STPG2: variants seen among roughly 807,000 people sequenced by gnomAD.
STPG2 encodes sperm-tail PG-rich repeat-containing protein 2.
STPG2 carries 56 observed loss-of-function variants against 54.2 expected under a neutral mutation model. That is an observed-to-expected ratio of 1.03 (90% CI 0.83 to 1.29). The LOEUF (loss-of-function observed/expected upper bound fraction) is 1.29, where lower values mean the gene tolerates loss of function less well. Ranked by LOEUF, STPG2 falls within the 50% of genes most tolerant of loss-of-function variation. STPG2 has a pLI of 0.00. For missense variants in STPG2, 596 were observed against 544.9 expected (o/e 1.09, Z -0.93); for synonymous variants, 200 against 181.8 (o/e 1.10, Z -0.81).
Position 97,840,845 on chromosome 4 carries a change from C to A in STPG2, c.1132G>T (p.Val378Leu). 6.2e-7 allele frequency: 1 copy of A among 1,612,080 alleles called. No homozygotes were observed. Among genetic ancestry groups the A allele is most frequent in the South Asian group, 1.1e-5 (1 of 91,014 alleles). ...AAAGAGGCATGTTTTCTTTTAGCCA[C>A]TAAACTACGAGGTGGCATATATTTA... The part of the protein sequence containing the change: ...KHKYMPPRSL[V>L]AKRKHASFLS... Residue 378 changes from valine to leucine, a missense_variant, in exon 9 of 11, where the codon GTG (valine) becomes TTG (leucine). Val to Leu is a conservative substitution (Grantham distance 32). Transcript: ENST00000295268.
intron 8 of STPG2, among the ~76,000 whole-genome samples, chr4:97,893,573 T>C (rs1407727925): frequency 6.6e-6 from 1 of 151,828 alleles, no homozygotes; most frequent in East Asian, 1.9e-4. Context: ...GTCTAAACAA[T>C]GGAAAAGAAA....
intron 4 of STPG2, among the ~76,000 whole-genome samples, chr4:97,444,799 G>A (rs1156416079): frequency 6.6e-6 from 1 of 152,188 alleles, no homozygotes; most frequent in Non-Finnish European, 1.5e-5. Flanking sequence ...GGAGGCCGAG[G>A]TGGGAGGATC....
chr4:97,819,578 T>G (rs556553834), intron 9 of STPG2, among the ~76,000 whole-genome samples: 2 of 152,278 alleles, frequency 1.3e-5, no homozygotes, highest in South Asian at 4.1e-4. Flanking sequence ...TGTTGTCTTA[T>G]ATGCTATGCA....
chr4:97,949,048 CTCTCT>C (rs1408087906), intron 7 of STPG2, among the ~76,000 whole-genome samples: 2 of 151,982 alleles, frequency 1.3e-5, no homozygotes, highest in African/African-American at 4.8e-5. Context: ...TTTCTATCTC[CTCTCT>C]TAAGTCAAGT....
At chr4:97,807,424 T>C (rs1727602972) in intron 9 of STPG2, among the ~76,000 whole-genome samples, 1 of 152,002 alleles carries the variant, frequency 6.6e-6, no homozygotes, top group South Asian at 2.1e-4. Flanking sequence ...TACTAAGCAT[T>C]ATGAATAGAC....
At chr4:97,772,856 G>C (rs769027331) in intron 9 of STPG2, among the ~76,000 whole-genome samples, 1 of 152,120 alleles carries the variant, frequency 6.6e-6, no homozygotes, top group African/African-American at 2.4e-5. Context: ...AAATGTTAGA[G>C]AGACAGGTGG....
chr4:97,602,252 T>C (rs1008962592), intron 10 of STPG2, among the ~76,000 whole-genome samples: 1 of 151,826 alleles, frequency 6.6e-6, no homozygotes, highest in Non-Finnish European at 1.5e-5. Context: ...ATGTTTCCCA[T>C]ATTTCACCAA....
intron 8 of STPG2, among the ~76,000 whole-genome samples, chr4:97,911,707 G>T (rs1023861303): frequency 3.3e-5 from 5 of 152,144 alleles, no homozygotes; most frequent in African/African-American, 1.2e-4. Flanking sequence ...GGGAGCCCCT[G>T]GTGGGGAGAA....
chr4:97,809,280 CAGAG>C (rs1161882404), intron 9 of STPG2, among the ~76,000 whole-genome samples: 1 of 152,104 alleles, frequency 6.6e-6, no homozygotes, highest in Non-Finnish European at 1.5e-5. Flanking sequence ...ATAATGGTGA[CAGAG>C]AGAGCAGCAC....
At chr4:97,644,538 G>A (rs1252214671) in intron 10 of STPG2, among the ~76,000 whole-genome samples, 2 of 151,978 alleles carry the variant, frequency 1.3e-5, no homozygotes, top group East Asian at 1.9e-4. Context: ...ATGACTTGAC[G>A]TGTCCTACCT....
chr4:97,442,541 A>G (rs1039549463), intron 4 of STPG2, among the ~76,000 whole-genome samples: 30 of 152,142 alleles, frequency 2.0e-4, no homozygotes, highest in Admixed American at 1.8e-3. Context: ...CTTCAGTGGT[A>G]ATAATACGAG....
chr4:97,697,978 C>T (rs559206233), intron 10 of STPG2, among the ~76,000 whole-genome samples: 51 of 152,292 alleles, frequency 3.3e-4, no homozygotes, highest in African/African-American at 1.2e-3. Context: ...TCAATAAATA[C>T]GTGGGTAAAA....
At chr4:97,510,011 C>T (rs768165182) in intron 4 of STPG2, among the ~76,000 whole-genome samples, 4 of 152,092 alleles carry the variant, frequency 2.6e-5, no homozygotes, top group Non-Finnish European at 5.9e-5. Flanking sequence ...CACCTGGTGC[C>T]AAAAGATTGG....
chr4:98,008,870 G>GT (rs1190047072), intron 5 of STPG2, among the ~76,000 whole-genome samples: 2 of 151,956 alleles, frequency 1.3e-5, no homozygotes, highest in Non-Finnish European at 2.9e-5. Context: ...TTCAGTCTTG[G>GT]TAAGTTGTAT....
intron 4 of STPG2, among the ~76,000 whole-genome samples, chr4:97,542,775 G>A (rs1032561885): frequency 2.0e-5 from 3 of 152,114 alleles, no homozygotes; most frequent in Admixed American, 6.6e-5. Context: ...ATACACCGTA[G>A]AATACTATGC....
intron 10 of STPG2, among the ~76,000 whole-genome samples, chr4:97,637,273 C>T (rs1202306989): frequency 6.6e-6 from 1 of 152,202 alleles, no homozygotes; most frequent in East Asian, 1.9e-4. Flanking sequence ...GCAGAAAAGG[C>T]CTTTGACAAA....
intron 8 of STPG2, among the ~76,000 whole-genome samples, chr4:97,861,824 G>C (rs2149141765): frequency 6.6e-6 from 1 of 152,116 alleles, no homozygotes; most frequent in South Asian, 2.1e-4. Context: ...GCCAAACTAA[G>C]TTTCATAAGT....
chr4:98,119,337 T>C (rs1021770063), intron 3 of STPG2, among the ~76,000 whole-genome samples: 1 of 151,810 alleles, frequency 6.6e-6, no homozygotes, highest in Non-Finnish European at 1.5e-5. Context: ...TACAAACCCA[T>C]AACTGAAGCA....
At chr4:98,108,837 T>C (rs975364195) in intron 4 of STPG2, among the ~76,000 whole-genome samples, 5 of 151,676 alleles carry the variant, frequency 3.3e-5, no homozygotes, top group Non-Finnish European at 7.4e-5. Flanking sequence ...GCATATATAG[T>C]AGATAGCACA....
Sources: gnomAD v4.1 joint callset for allele counts (sites outside exome capture counted in the v4.1 genomes callset) on GRCh38, gnomAD v4.1.1 for gene constraint, MANE v1.5 for transcripts, NCBI Gene and HGNC (gene_info 2026-07-23, HGNC 2026-07-21) for gene names.